Variants in SLC24A2 observed in about 807,000 individuals in gnomAD.
SLC24A2 encodes the protein sodium/potassium/calcium exchanger 2.
In SLC24A2, 36 loss-of-function variants were observed where a neutral mutation model predicts 62.0. The ratio of observed to expected loss-of-function variants is 0.58; its 90% CI spans 0.44 to 0.77. SLC24A2 has a LOEUF of 0.77. SLC24A2 is among the 30% of genes least tolerant of loss of function. The probability of loss-of-function intolerance (pLI) is 0.00; values close to 1 mark genes in which losing one functional copy is unlikely to be tolerated. For missense variants in SLC24A2, 846 were observed against 817.9 expected (o/e 1.03, Z -0.42); for synonymous variants, 358 against 294.0 (o/e 1.22, Z -2.23).
At chr9:19,923,649 T>A in the SLC24A2 span, among the ~76,000 whole-genome samples, 4 of 152,234 alleles carry the variant, frequency 2.6e-5, no homozygotes, top group Non-Finnish European at 5.9e-5. Context: ...GAAGAACATA[T>A]GAAATGGGGA....
intron 10 of SLC24A2, 109 bp downstream of exon 10, chr9:19,520,785 T>A (rs1422465936): frequency 3.2e-6 from 3 of 939,022 alleles, no homozygotes; most frequent in Non-Finnish European, 1.8e-6. Flanking sequence ...TCTGTATTGG[T>A]ATTGGTTAGT....
chr9:20,306,738 C>G, the SLC24A2 span, among the ~76,000 whole-genome samples: 1 of 152,172 alleles, frequency 6.6e-6, no homozygotes, highest in Non-Finnish European at 1.5e-5. Flanking sequence ...ACTCTGTCAC[C>G]CAGGCTGGAG....
the SLC24A2 span, among the ~76,000 whole-genome samples, chr9:20,017,561 T>TA: frequency 5.4e-3 from 824 of 152,128 alleles, 7 homozygotes; most frequent in South Asian, 0.025. Flanking sequence ...GATCACAAGA[T>TA]AAAGTCCTGC....
intron 2 of SLC24A2, among the ~76,000 whole-genome samples, chr9:19,709,121 A>C (rs1055878792): frequency 6.6e-6 from 1 of 152,228 alleles, no homozygotes; most frequent in Non-Finnish European, 1.5e-5. Context: ...TCTCAAAAGA[A>C]GACATTTATG....
chr9:19,679,660 G>C (rs1348904224), intron 2 of SLC24A2, among the ~76,000 whole-genome samples: 1 of 152,164 alleles, frequency 6.6e-6, no homozygotes, highest in Non-Finnish European at 1.5e-5. Flanking sequence ...TGCTTAAACT[G>C]AGACATTTGT....
the SLC24A2 span, among the ~76,000 whole-genome samples, chr9:19,902,074 T>C: frequency 1.3e-5 from 2 of 152,194 alleles, no homozygotes; most frequent in Non-Finnish European, 2.9e-5. Context: ...GGCACAGCCT[T>C]AGGCCCTGTT....
the SLC24A2 span, among the ~76,000 whole-genome samples, chr9:20,223,558 T>A: frequency 6.6e-6 from 1 of 151,926 alleles, no homozygotes; most frequent in Non-Finnish European, 1.5e-5. Context: ...ATGAATAGTT[T>A]GGTGCTATCA....
At chr9:20,265,647 T>C in the SLC24A2 span, among the ~76,000 whole-genome samples, 3 of 152,176 alleles carry the variant, frequency 2.0e-5, no homozygotes, top group Non-Finnish European at 4.4e-5. Context: ...TTGTAGAGCA[T>C]GTGTGTTTGA....
the SLC24A2 span, among the ~76,000 whole-genome samples, chr9:20,236,585 T>C: frequency 2.0e-5 from 3 of 152,218 alleles, no homozygotes; most frequent in Non-Finnish European, 2.9e-5. Context: ...AGAGACATAC[T>C]GAGCAGGTTG....
the SLC24A2 span, among the ~76,000 whole-genome samples, chr9:19,839,594 G>A: frequency 1.3e-5 from 2 of 151,972 alleles, no homozygotes; most frequent in Non-Finnish European, 2.9e-5. Flanking sequence ...AATTACAATC[G>A]TTTGAAGTAA....
At chr9:20,147,138 T>G in the SLC24A2 span, among the ~76,000 whole-genome samples, 1 of 152,176 alleles carries the variant, frequency 6.6e-6, no homozygotes, top group Non-Finnish European at 1.5e-5. Flanking sequence ...GAGAAATGCC[T>G]GATCACGAAC....
At chr9:20,286,542 G>A in the SLC24A2 span, among the ~76,000 whole-genome samples, 1 of 152,204 alleles carries the variant, frequency 6.6e-6, no homozygotes, top group Non-Finnish European at 1.5e-5. Context: ...CAGAACTCCT[G>A]TTTACAGTTC....
At chr9:19,571,573 T>G (rs574033558) in intron 7 of SLC24A2, among the ~76,000 whole-genome samples, 100 of 152,286 alleles carry the variant, frequency 6.6e-4, no homozygotes, top group African/African-American at 2.3e-3. Flanking sequence ...AGCATCAGCA[T>G]CACTGGGGAG....
At chr9:20,215,328 G>T in the SLC24A2 span, among the ~76,000 whole-genome samples, 1 of 152,174 alleles carries the variant, frequency 6.6e-6, no homozygotes, top group Non-Finnish European at 1.5e-5. Context: ...TATGAATTTT[G>T]TGGGGGACAA....
At chr9:20,161,391 T>C in the SLC24A2 span, among the ~76,000 whole-genome samples, 6 of 151,372 alleles carry the variant, frequency 4.0e-5, no homozygotes, top group African/African-American at 1.5e-4. Context: ...AAGTGTAACA[T>C]TGATACAGGA....
At chr9:19,520,757 G>T in intron 10 of SLC24A2, 137 bp downstream of exon 10, 1 of 800,140 alleles carries the variant, frequency 1.2e-6, no homozygotes, top group Non-Finnish European at 2.2e-6. Flanking sequence ...GAAATGCAAT[G>T]GTATTCTCAA....
At chr9:20,301,625 G>A in the SLC24A2 span, among the ~76,000 whole-genome samples, 2 of 150,008 alleles carry the variant, frequency 1.3e-5, no homozygotes, top group Non-Finnish European at 3.0e-5. Context: ...GCAAAATTGA[G>A]AGGAAGGTAC....
the SLC24A2 span, among the ~76,000 whole-genome samples, chr9:19,827,668 A>G: frequency 6.6e-6 from 1 of 152,148 alleles, no homozygotes; most frequent in African/African-American, 2.4e-5. Context: ...TCTGCAAATC[A>G]AACAAACAAC....
At chr9:20,071,311 G>C in the SLC24A2 span, among the ~76,000 whole-genome samples, 20 of 152,152 alleles carry the variant, frequency 1.3e-4, no homozygotes, top group African/African-American at 4.8e-4. Flanking sequence ...TGAGATATTG[G>C]AGTTCCATTC....
Sources: allele counts gnomAD v4.1 joint callset (sites outside exome capture counted in the v4.1 genomes callset), GRCh38; gene constraint gnomAD v4.1.1; transcripts MANE v1.5; gene names NCBI Gene and HGNC (gene_info 2026-07-23, HGNC 2026-07-21).